The following WDR70 variants were observed in gnomAD, a reference collection of about 807,000 sequenced individuals.
WDR70 encodes WD repeat-containing protein 70.
Under a neutral mutation model 88.6 loss-of-function variants are expected in WDR70, and 53 were observed. That is an observed-to-expected ratio of 0.60 (90% CI 0.48 to 0.75). The LOEUF (loss-of-function observed/expected upper bound fraction) is 0.75, where lower values mean the gene tolerates loss of function less well. WDR70 is among the 30% of genes least tolerant of loss of function. The pLI, the probability that WDR70 is intolerant of heterozygous loss-of-function variation, is 0.00. For synonymous variants in WDR70, 280 were observed against 270.0 expected, an observed-to-expected ratio of 1.04 and a Z score of -0.36; for missense variants, 610 against 823.2, an observed-to-expected ratio of 0.74 and a Z score of 3.17.
intron 10 of WDR70, among the ~76,000 whole-genome samples, chr5:37,611,880 C>T (rs368449855): frequency 2.4e-4 from 36 of 149,302 alleles, no homozygotes; most frequent in South Asian, 1.7e-3. Flanking sequence ...TGATTATAGT[C>T]GATAAGTATC....
intron 9 of WDR70, among the ~76,000 whole-genome samples, chr5:37,572,373 C>T (rs1742929440): frequency 1.3e-5 from 2 of 151,938 alleles, no homozygotes; most frequent in African/African-American, 4.8e-5. Context: ...TGTACTTCTG[C>T]TGACTATTAT....
chr5:37,659,080 T>C (rs1447274913), intron 10 of WDR70, among the ~76,000 whole-genome samples: 2 of 152,220 alleles, frequency 1.3e-5, no homozygotes, highest in Admixed American at 6.5e-5. Flanking sequence ...ATTCATTCTA[T>C]TGTTTTCCCT....
At chr5:37,735,104 T>G (rs1465949577) in intron 17 of WDR70, among the ~76,000 whole-genome samples, 1 of 152,142 alleles carries the variant, frequency 6.6e-6, no homozygotes, top group Non-Finnish European at 1.5e-5. Context: ...TCCTTAATTT[T>G]TCTCTCTTTT....
chr5:37,571,854 G>A (rs578218334), intron 9 of WDR70, among the ~76,000 whole-genome samples: 38 of 152,062 alleles, frequency 2.5e-4, no homozygotes, highest in African/African-American at 8.7e-4. Context: ...CTATGTAAAG[G>A]ATATTTCTAA....
At chr5:37,683,054 GTCT>G (rs1215535155) in intron 10 of WDR70, among the ~76,000 whole-genome samples, 3 of 152,128 alleles carry the variant, frequency 2.0e-5, no homozygotes, top group African/African-American at 7.2e-5. Context: ...GGATAGCTAG[GTCT>G]TCTTGTTGAA....
At chr5:37,442,303 C>A (rs1255131573) in intron 6 of WDR70, among the ~76,000 whole-genome samples, 2 of 151,230 alleles carry the variant, frequency 1.3e-5, no homozygotes, top group African/African-American at 2.4e-5. Context: ...TCCCAAAGCG[C>A]TGGGATTACA....
intron 10 of WDR70, among the ~76,000 whole-genome samples, chr5:37,649,554 T>A (rs1475770673): frequency 1.3e-5 from 2 of 150,882 alleles, no homozygotes; most frequent in Non-Finnish European, 2.9e-5. Context: ...GTGGGACTTG[T>A]GATCTGGGCA....
At chr5:37,395,865 G>A (rs905111739) in intron 4 of WDR70, among the ~76,000 whole-genome samples, 30 of 152,238 alleles carry the variant, frequency 2.0e-4, no homozygotes, top group African/African-American at 6.3e-4. Context: ...GAGTGACGCA[G>A]TCATGGCTCA....
intron 8 of WDR70, among the ~76,000 whole-genome samples, chr5:37,492,003 G>T (rs150012237): frequency 1.6e-4 from 24 of 152,178 alleles, no homozygotes; most frequent in African/African-American, 5.5e-4. Flanking sequence ...AGATGTTCCA[G>T]GGTCATCTTA....
intron 8 of WDR70, among the ~76,000 whole-genome samples, chr5:37,497,545 C>G (rs78568443): frequency 0.047 from 7,121 of 151,520 alleles, 189 homozygotes; most frequent in South Asian, 0.069. Flanking sequence ...CCTTTCCTTT[C>G]CTTCCACATG....
chr5:37,692,250 A>C (rs1299582913), intron 10 of WDR70, among the ~76,000 whole-genome samples: 1 of 152,198 alleles, frequency 6.6e-6, no homozygotes, highest in Non-Finnish European at 1.5e-5. Flanking sequence ...TAAAAAGTGC[A>C]GGACCAGATG....
intron 9 of WDR70, 66 bp downstream of exon 9, chr5:37,516,656 T>C: frequency 9.2e-7 from 1 of 1,085,128 alleles, no homozygotes; most frequent in South Asian, 1.7e-5. Flanking sequence ...ACGTTTGGAT[T>C]GTTACAATCT....
chr5:37,691,091 C>G (rs2112636662), intron 10 of WDR70, among the ~76,000 whole-genome samples: 1 of 152,250 alleles, frequency 6.6e-6, no homozygotes, highest in Admixed American at 6.5e-5. Flanking sequence ...TCCGATAAAA[C>G]AGACTTTAAA....
intron 7 of WDR70, among the ~76,000 whole-genome samples, chr5:37,461,847 A>G (rs906323273): frequency 6.6e-6 from 1 of 152,090 alleles, no homozygotes; most frequent in African/African-American, 2.4e-5. Context: ...TATTAACCCT[A>G]TATTGTCTCT....
rs1352104126 is a variant in WDR70 at position 37,437,903 on chromosome 5, T to C, written c.493-19T>C. 3 of 1,595,470 alleles carry C rather than the reference T, an allele frequency of 1.9e-6. No individual in the cohort carries two copies. The East Asian group carries it at 6.8e-5, about 36-fold the overall frequency. On this transcript the variant is annotated intron_variant, in intron 5 of 17. Transcript: ENST00000265107. ...ATATGTTATTTTACCATTAATGTCA[T>C]GGGGTTTTCTTGTTTCAGAATCCTG...
chr5:37,618,167 T>C (rs983673888), intron 10 of WDR70, among the ~76,000 whole-genome samples: 2 of 152,184 alleles, frequency 1.3e-5, no homozygotes, highest in African/African-American at 4.8e-5. Context: ...AAACTTCAGT[T>C]TAAAATATAT....
chr5:37,648,156 A>C (rs929879261), intron 10 of WDR70, among the ~76,000 whole-genome samples: 2 of 152,234 alleles, frequency 1.3e-5, no homozygotes, highest in African/African-American at 4.8e-5. Context: ...GGTGAGGCTC[A>C]GCCATTTTGT....
At chr5:37,593,706 A>C (rs988747469) in intron 9 of WDR70, among the ~76,000 whole-genome samples, 65 of 152,272 alleles carry the variant, frequency 4.3e-4, no homozygotes, top group Admixed American at 5.2e-4. Flanking sequence ...CTAGTTCTAG[A>C]TCCTTGAGGA....
chr5:37,676,512 T>C (rs895594339), intron 10 of WDR70, among the ~76,000 whole-genome samples: 12 of 152,128 alleles, frequency 7.9e-5, no homozygotes, highest in East Asian at 3.9e-4. Context: ...TTGTCTTTGG[T>C]TCTGTTTATA....
Sources: gnomAD v4.1 joint callset for allele counts (sites outside exome capture counted in the v4.1 genomes callset) on GRCh38, gnomAD v4.1.1 for gene constraint, MANE v1.5 for transcripts, NCBI Gene and HGNC (gene_info 2026-07-23, HGNC 2026-07-21) for gene names.